PPP3R1: variants seen among roughly 807,000 people sequenced by gnomAD.
PPP3R1 encodes the protein protein phosphatase 3 regulatory subunit B, alpha.
A neutral mutation model predicts 22.6 loss-of-function variants in PPP3R1; 5 were observed. The ratio of observed to expected loss-of-function variants is 0.22; its 90% CI spans 0.12 to 0.46. PPP3R1 has a LOEUF of 0.46. Among genes scored for constraint, PPP3R1 ranks in the 20% least tolerant of loss-of-function variants. The pLI, the probability that PPP3R1 is intolerant of heterozygous loss-of-function variation, is 0.99. For missense variants in PPP3R1, 61 were observed against 203.2 expected (o/e 0.30, Z 4.25); for synonymous variants, 56 against 65.2 (o/e 0.86, Z 0.68).
At chr2:68,189,928 G>A (rs1674626185) in intron 2 of PPP3R1, among the ~76,000 whole-genome samples, 1 of 151,646 alleles carries the variant, frequency 6.6e-6, no homozygotes, top group Non-Finnish European at 1.5e-5. Flanking sequence ...AATTAAGAAG[G>A]CAAATGTTAT....
Position 68,181,069 on chromosome 2 carries a change from T to C in PPP3R1, c.466-59A>G. The C allele has an allele frequency of 2.7e-6, 4 of 1,498,272 alleles. No individual in the cohort carries two copies. In the South Asian group the frequency reaches 4.5e-5, roughly 17 times the overall value. The allele number at this position is 1,498,272 out of a possible 1,614,324, so 92.8% of individuals were successfully genotyped here. A position where few individuals can be genotyped will look rare whatever the true frequency, so the allele number is the denominator to read the frequency against. On this transcript the variant is annotated intron_variant, in intron 5 of 5. Coordinates refer to ENST00000234310, the MANE Select transcript of PPP3R1 (RefSeq NM_000945.4). ...TGTCTGAGAAACTCCTCATTCGTGG[T>C]CTAACTACTTCATCAAATTTTAAAA...
intron 2 of PPP3R1, among the ~76,000 whole-genome samples, chr2:68,212,828 C>T (rs6738957): frequency 0.75 from 113,405 of 152,188 alleles, 43,317 homozygotes; most frequent in African/African-American, 0.93. Context: ...ACCAGCTGCA[C>T]TGGTCCCCAA....
Position 68,221,856 on chromosome 2 carries a change from C to A in PPP3R1, c.4-4725G>T, listed in dbSNP as rs1000340353. Among the ~76,000 whole-genome samples the A allele has an allele frequency of 6.7e-5, 10 of 150,102 alleles. No homozygotes were observed. The East Asian group carries it at 1.6e-3, about 23-fold the overall frequency. ...GTTTAAAGTGTTTAAAAAAAAAAAA[C>A]TATCAGTTTTTATATCCAGCAAAAA... is the stretch of plus-strand genomic sequence containing the variant. On this transcript the variant is annotated intron_variant, in intron 1 of 5. Coordinates refer to ENST00000234310, the MANE Select transcript of PPP3R1 (RefSeq NM_000945.4).
At position 68,180,662 on chromosome 2, in the gene PPP3R1, T is replaced by C. The variant is rs866273916; in HGVS notation, c.*301A>G. On this transcript the variant is annotated 3_prime_UTR_variant, in exon 6 of 6. Coordinates refer to ENST00000234310, the MANE Select transcript of PPP3R1 (RefSeq NM_000945.4). ...ATTTACATATGTATATATAGATACT[T>C]TCTTGTTATAAAAGATGAAGAAAAA... 4.5e-6 allele frequency: 1 copy of C among 219,790 alleles called. No individual in the cohort carries two copies. Among genetic ancestry groups the C allele is most frequent in the Non-Finnish European group, 9.0e-6 (1 of 111,488 alleles). 13.6% of individuals were successfully genotyped at this position (219,790 alleles called of 1,614,324 possible).
At position 68,217,136 on chromosome 2, in the gene PPP3R1, G is replaced by A. The variant is rs754875800; in HGVS notation, c.4-5C>T. On this transcript the variant is annotated splice_polypyrimidine_tract_variant and splice_region_variant and intron_variant, in intron 1 of 5. Transcript: ENST00000234310. ...AGGATAACTTGCCTCATTTCCCTGG[G>A]GGGAAAGAAAGAAATAATTAGTCAT... The A allele has an allele frequency of 1.1e-5, 18 of 1,583,814 alleles. No individual in the cohort carries two copies. The Admixed American group carries it at 2.9e-4, about 26-fold the overall frequency.
intron 5 of PPP3R1, among the ~76,000 whole-genome samples, chr2:68,185,797 C>T (rs1378438172): frequency 6.6e-6 from 1 of 151,522 alleles, no homozygotes; most frequent in Admixed American, 6.6e-5. Flanking sequence ...TCTAACTCTT[C>T]CAAAAAAAGA....
intron 1 of PPP3R1, among the ~76,000 whole-genome samples, chr2:68,232,243 GTGTGTGTGTGTGTGTGTGTGTGTA>G (rs1669928946): frequency 1.5e-5 from 1 of 67,320 alleles, no homozygotes; most frequent in African/African-American, 1.0e-4. Context: ...GTGTGTGTGT[GTGTGTGTGTGTGTGTGTGTGTGTA>G]TATATATATA....
chr2:68,217,971 T>C (rs1669610331), intron 1 of PPP3R1, among the ~76,000 whole-genome samples: 1 of 152,154 alleles, frequency 6.6e-6, no homozygotes, highest in Admixed American at 6.5e-5. Flanking sequence ...GAATCGAAAG[T>C]ACTTCTAAAT....
chr2:68,211,922 T>A (rs770377520), intron 2 of PPP3R1, among the ~76,000 whole-genome samples: 1 of 152,170 alleles, frequency 6.6e-6, no homozygotes, highest in Non-Finnish European at 1.5e-5. Context: ...TTCTATCACA[T>A]CTGCAGTTAT....
chr2:68,226,768 G>C (rs1167172477), intron 1 of PPP3R1, among the ~76,000 whole-genome samples: 1 of 152,090 alleles, frequency 6.6e-6, no homozygotes, highest in Non-Finnish European at 1.5e-5. Context: ...TAAAAGTCTG[G>C]AACGGTTTAA....
intron 2 of PPP3R1, among the ~76,000 whole-genome samples, chr2:68,215,518 G>A (rs1669563328): frequency 6.6e-6 from 1 of 152,046 alleles, no homozygotes; most frequent in Non-Finnish European, 1.5e-5. Context: ...AATAGGAAAA[G>A]AACAAACTCT....
chr2:68,224,482 G>A (rs1669745585), intron 1 of PPP3R1, among the ~76,000 whole-genome samples: 2 of 152,052 alleles, frequency 1.3e-5, no homozygotes, highest in African/African-American at 2.4e-5. Flanking sequence ...CCAACATGGT[G>A]AAACCCTGTC....
In PPP3R1 at chr2:68,219,880, G is replaced by A. The variant is rs185934681; in HGVS notation, c.4-2749C>T. On this transcript the variant is annotated intron_variant, in intron 1 of 5. Transcript: ENST00000234310. ...CATCATGCCACATGACCAAGTTACTGACAAGATCACTTGTTGATGAGGTCC... is the reference window on the plus strand; with the variant it reads ...CATCATGCCACATGACCAAGTTACTAACAAGATCACTTGTTGATGAGGTCC... Among the ~76,000 whole-genome samples, 370 of 152,278 alleles carry A rather than the reference G, an allele frequency of 2.4e-3. 2 individuals carry two copies. Among genetic ancestry groups the A allele is most frequent in the African/African-American group, 8.3e-3 (345 of 41,564 alleles).
chr2:68,199,983 T>G (rs980934655), intron 2 of PPP3R1, among the ~76,000 whole-genome samples: 12 of 152,218 alleles, frequency 7.9e-5, no homozygotes, highest in African/African-American at 2.9e-4. Flanking sequence ...TGTGTTTCTT[T>G]CTTTCTTTTC....
chr2:68,189,245 A>T (rs1674611454), intron 2 of PPP3R1, among the ~76,000 whole-genome samples: 1 of 152,152 alleles, frequency 6.6e-6, no homozygotes, highest in Non-Finnish European at 1.5e-5. Flanking sequence ...CTCTGAAAGC[A>T]ACGTTGCCAG....
chr2:68,235,076 G>A (rs550876784), intron 1 of PPP3R1, among the ~76,000 whole-genome samples: 6 of 152,292 alleles, frequency 3.9e-5, no homozygotes, highest in Non-Finnish European at 7.4e-5. Flanking sequence ...ATTGAGTAAC[G>A]AGAAAGATTT....
chr2:68,198,452 T>C (rs146241136), intron 2 of PPP3R1, among the ~76,000 whole-genome samples: 99 of 149,396 alleles, frequency 6.6e-4, no homozygotes, highest in Non-Finnish European at 1.1e-3. Flanking sequence ...TATATGTATA[T>C]ACATATATAC....
intron 1 of PPP3R1, among the ~76,000 whole-genome samples, chr2:68,217,908 G>C (rs1264849657): frequency 1.3e-5 from 2 of 152,026 alleles, no homozygotes; most frequent in East Asian, 3.9e-4. Context: ...TTGAGAACTG[G>C]GACCAGGGAG....
intron 1 of PPP3R1, among the ~76,000 whole-genome samples, chr2:68,232,087 C>A (rs1280821676): frequency 1.7e-5 from 2 of 118,070 alleles, no homozygotes; most frequent in African/African-American, 3.3e-5. Flanking sequence ...TGGGAATACC[C>A]GTATCTACTA....
Sources: gnomAD v4.1 joint callset for allele counts (sites outside exome capture counted in the v4.1 genomes callset) on GRCh38, gnomAD v4.1.1 for gene constraint, MANE v1.5 for transcripts, NCBI Gene and HGNC (gene_info 2026-07-23, HGNC 2026-07-21) for gene names.